ZFYVE28: variants seen among roughly 807,000 people sequenced by gnomAD.
ZFYVE28 encodes zinc finger FYVE-type containing 28, also known as lateral signaling target protein 2 homolog.
In ZFYVE28, 40 loss-of-function variants were observed where a neutral mutation model predicts 82.1. The observed-to-expected ratio is 0.49, with a 90% CI of 0.38 to 0.63. The LOEUF (loss-of-function observed/expected upper bound fraction) is 0.63, where lower values mean the gene tolerates loss of function less well. Among genes scored for constraint, ZFYVE28 ranks in the 30% least tolerant of loss-of-function variants. The pLI is 0.00. For synonymous variants in ZFYVE28, 612 were observed against 546.1 expected (o/e 1.12, Z -1.68); for missense variants, 1,321 against 1,242.1 (o/e 1.06, Z -0.96).
rs147134587 is a variant in ZFYVE28 at position 2,360,328 on chromosome 4, A to G, written c.40-6255T>C. On this transcript the variant is annotated intron_variant, in intron 1 of 12. Coordinates refer to ENST00000290974, the MANE Select transcript of ZFYVE28 (RefSeq NM_020972.3). Reference sequence around the variant, plus strand: ...TGCCGCTGTACCTTGATTTCAGTAAATTAAAGACCTTAAAACCAGACCTAC... The same window carrying G: ...TGCCGCTGTACCTTGATTTCAGTAAGTTAAAGACCTTAAAACCAGACCTAC... Among the ~76,000 whole-genome samples, 3 of 152,016 alleles carry G rather than the reference A, an allele frequency of 2.0e-5. No homozygotes were observed. The East Asian group carries it at 5.8e-4, about 29-fold the overall frequency.
chr4:2,317,538 G>A (rs917008563), intron 7 of ZFYVE28, among the ~76,000 whole-genome samples: 3 of 152,170 alleles, frequency 2.0e-5, no homozygotes, highest in African/African-American at 7.2e-5. Flanking sequence ...AGGAGACCGA[G>A]TTCTGTCCTT....
At chr4:2,308,688 A>AAAGAAAGAGAAAG (rs1560182579) in intron 7 of ZFYVE28, among the ~76,000 whole-genome samples, 9 of 127,966 alleles carry the variant, frequency 7.0e-5, no homozygotes, top group African/African-American at 2.2e-4. Context: ...AGAAAGAAAG[A>AAAGAAAGAGAAAG]AAAGAAAAGA....
At chr4:2,334,624 CCCCCACT>C (rs1721290033) in intron 6 of ZFYVE28, among the ~76,000 whole-genome samples, 1 of 151,576 alleles carries the variant, frequency 6.6e-6, no homozygotes, top group African/African-American at 2.4e-5. Context: ...CTGTGCCCAC[CCCCCACT>C]CCCCGACCAC....
rs769215851 is a variant in ZFYVE28 at position 2,305,545 on chromosome 4, C to G, written c.804-9G>C. ...GCGTCTGCAGCAAATCCCTACGAAT[C>G]AAGACAAAACCCAAGGGTGAGGGTC... On this transcript the variant is annotated splice_polypyrimidine_tract_variant and intron_variant, in intron 7 of 12. Transcript: ENST00000290974. 1 of 1,612,720 alleles carries G rather than the reference C, an allele frequency of 6.2e-7. No individual in the cohort carries two copies. Among genetic ancestry groups the G allele is most frequent in the Non-Finnish European group, 8.5e-7 (1 of 1,179,958 alleles).
chr4:2,293,885 A>G (rs1427146560), intron 8 of ZFYVE28, among the ~76,000 whole-genome samples: 3 of 152,154 alleles, frequency 2.0e-5, no homozygotes, highest in African/African-American at 7.2e-5. Flanking sequence ...AGAATACTTG[A>G]GGATTCATCT....
chr4:2,301,911 C>T (rs1241471754), intron 8 of ZFYVE28, among the ~76,000 whole-genome samples: 4 of 152,180 alleles, frequency 2.6e-5, no homozygotes, highest in South Asian at 2.1e-4. Flanking sequence ...AGGCTGTTCG[C>T]GCGAGGCTGT....
chr4:2,312,601 G>A lies in ZFYVE28; in HGVS notation c.804-7065C>T, dbSNP rs997140480. On this transcript the variant is annotated intron_variant, in intron 7 of 12. Transcript: ENST00000290974. ...AAATTAGCCGGGTGTGGTGGCGGGC[G>A]CCTGTAGTCCCAGCTACTCGGGAGG... Among the ~76,000 whole-genome samples, 4 of 151,706 alleles carry A rather than the reference G, an allele frequency of 2.6e-5. No homozygotes were observed. In the South Asian group the frequency reaches 6.3e-4, roughly 24 times the overall value.
At chr4:2,344,837 G>A (rs1229676024) in intron 2 of ZFYVE28, among the ~76,000 whole-genome samples, 12 of 151,928 alleles carry the variant, frequency 7.9e-5, no homozygotes, top group African/African-American at 2.4e-4. Flanking sequence ...TGGAGATTGC[G>A]GTGAGCTGAG....
Position 2,354,087 on chromosome 4 carries a change from G to T in ZFYVE28, c.40-14C>A. The T allele has an allele frequency of 6.6e-7, 1 of 1,513,474 alleles. No homozygotes were observed. Among genetic ancestry groups the T allele is most frequent in the South Asian group, 1.3e-5 (1 of 76,122 alleles). 93.8% of individuals were successfully genotyped at this position (1,513,474 alleles called of 1,614,324 possible). A position where few individuals can be genotyped will look rare whatever the true frequency, so the allele number is the denominator to read the frequency against. ...CGGATCCGACCTCTGCAGGAGAGAG[G>T]GGCCAGGGCCATGAGTGGGTGGGGA... On this transcript the variant is annotated splice_polypyrimidine_tract_variant and intron_variant, in intron 1 of 12. Coordinates refer to ENST00000290974, the MANE Select transcript of ZFYVE28 (RefSeq NM_020972.3).
intron 8 of ZFYVE28, among the ~76,000 whole-genome samples, chr4:2,292,994 C>T (rs980533131): frequency 1.3e-5 from 2 of 152,012 alleles, no homozygotes; most frequent in African/African-American, 4.8e-5. Flanking sequence ...ATCTGAACAT[C>T]AATCATTGTG....
At chr4:2,303,408 C>T (rs559102430) in intron 8 of ZFYVE28, among the ~76,000 whole-genome samples, 1 of 152,320 alleles carries the variant, frequency 6.6e-6, no homozygotes, top group East Asian at 1.9e-4. Flanking sequence ...TGCTGCCCGG[C>T]TCCCACGGCT....
chr4:2,384,153 C>T (rs1487609357), intron 1 of ZFYVE28, among the ~76,000 whole-genome samples: 1 of 152,098 alleles, frequency 6.6e-6, no homozygotes, highest in South Asian at 2.1e-4. Context: ...GGGAAGAGGC[C>T]CCCGGGACTG....
At chr4:2,345,965 A>G (rs1041800351) in intron 2 of ZFYVE28, among the ~76,000 whole-genome samples, 1 of 152,144 alleles carries the variant, frequency 6.6e-6, no homozygotes, top group Non-Finnish European at 1.5e-5. Context: ...AATCAAAGGT[A>G]GAATAATTTT....
intron 7 of ZFYVE28, among the ~76,000 whole-genome samples, chr4:2,309,431 C>T (rs1021502354): frequency 1.2e-4 from 19 of 152,148 alleles, no homozygotes; most frequent in African/African-American, 4.3e-4. Flanking sequence ...GATTTCATTT[C>T]GCATTTATTT....
intron 1 of ZFYVE28, among the ~76,000 whole-genome samples, chr4:2,397,713 C>T (rs1730632333): frequency 6.6e-6 from 1 of 152,152 alleles, no homozygotes; most frequent in South Asian, 2.1e-4. Flanking sequence ...AGCAGAGTGT[C>T]CTCACGGGTC....
At chr4:2,401,857 C>G (rs1731220968) in intron 1 of ZFYVE28, among the ~76,000 whole-genome samples, 1 of 152,210 alleles carries the variant, frequency 6.6e-6, no homozygotes, top group African/African-American at 2.4e-5. Context: ...AAGACCTGGG[C>G]TGCGTCCTCT....
At chr4:2,276,542 A>G (rs1736466108) in intron 8 of ZFYVE28, among the ~76,000 whole-genome samples, 1 of 152,226 alleles carries the variant, frequency 6.6e-6, no homozygotes, top group Non-Finnish European at 1.5e-5. Context: ...AGCGGCCAAG[A>G]GACGGCAGCA....
intron 1 of ZFYVE28, among the ~76,000 whole-genome samples, chr4:2,358,439 G>C (rs1725655442): frequency 6.6e-6 from 1 of 152,290 alleles, no homozygotes; most frequent in South Asian, 2.1e-4. Flanking sequence ...ACCCTTCAGG[G>C]ACGGGCCTGA....
At chr4:2,406,335 A>G (rs1731912290) in intron 1 of ZFYVE28, among the ~76,000 whole-genome samples, 1 of 152,004 alleles carries the variant, frequency 6.6e-6, no homozygotes, top group Admixed American at 6.6e-5. Context: ...TCGTGCCACT[A>G]TACTCCAGCC....
Sources: gnomAD v4.1 joint callset for allele counts (sites outside exome capture counted in the v4.1 genomes callset) on GRCh38, gnomAD v4.1.1 for gene constraint, MANE v1.5 for transcripts, NCBI Gene and HGNC (gene_info 2026-07-23, HGNC 2026-07-21) for gene names.